HABP4: variants seen among roughly 807,000 people sequenced by gnomAD.
The protein encoded by HABP4 is intracellular hyaluronan-binding protein 4.
HABP4 carries 32 observed loss-of-function variants against 44.1 expected under a neutral mutation model. The ratio of observed to expected loss-of-function variants is 0.73; its 90% CI spans 0.55 to 0.97. HABP4 has a LOEUF of 0.97. Ranked by LOEUF, HABP4 falls within the 50% of genes least tolerant of loss-of-function variation. HABP4 has a pLI of 0.00. For synonymous variants in HABP4, 216 were observed against 218.0 expected (o/e 0.99, Z 0.08); for missense variants, 503 against 561.9 (o/e 0.90, Z 1.06).
chr9:96,470,900 A>G (rs565455314), intron 4 of HABP4, 111 bp from the exon 5 acceptor site: 1 of 710,890 alleles, frequency 1.4e-6, no homozygotes, highest in East Asian at 2.6e-5. Flanking sequence ...GTCTCAAAAA[A>G]AAAAAAAAAA....
Position 96,490,186 on chromosome 9 carries a change from G to C in HABP4, c.*148G>C. 1 of 635,544 alleles carries C rather than the reference G, an allele frequency of 1.6e-6. No individual in the cohort carries two copies. The highest frequency in any genetic ancestry group is 2.9e-6 in the Non-Finnish European group (1 of 350,384). 39.4% of individuals were successfully genotyped at this position (635,544 alleles called of 1,614,324 possible). A position where few individuals can be genotyped will look rare whatever the true frequency, so the allele number is the denominator to read the frequency against. On this transcript the variant is annotated 3_prime_UTR_variant, in exon 8 of 8. Transcript: ENST00000375249. Reference sequence around the variant, plus strand: ...TTGTTGCACTTTTTTGGGCTGAGCTGTTAGAGGGGCTTCTCCAGAGGCTCG... The same window carrying C: ...TTGTTGCACTTTTTTGGGCTGAGCTCTTAGAGGGGCTTCTCCAGAGGCTCG...
chr9:96,454,908 G>A (rs1247802751), intron 1 of HABP4, among the ~76,000 whole-genome samples: 1 of 152,132 alleles, frequency 6.6e-6, no homozygotes, highest in Non-Finnish European at 1.5e-5. Flanking sequence ...GAGCTCTGGG[G>A]TTCAAGACCA....
chr9:96,462,974 TC>T (rs1832532097), intron 2 of HABP4, among the ~76,000 whole-genome samples: 1 of 152,142 alleles, frequency 6.6e-6, no homozygotes, highest in African/African-American at 2.4e-5. Flanking sequence ...ACTTTAGATT[TC>T]TTTTTTTGCT....
chr9:96,480,297 C>T (rs1161120735), intron 5 of HABP4, among the ~76,000 whole-genome samples: 2 of 152,176 alleles, frequency 1.3e-5, no homozygotes, highest in East Asian at 3.9e-4. Context: ...GAAGGTGCTC[C>T]ATAGCAGTAT....
chr9:96,475,046 A>G (rs1832759794), intron 5 of HABP4, among the ~76,000 whole-genome samples: 1 of 152,156 alleles, frequency 6.6e-6, no homozygotes, highest in Non-Finnish European at 1.5e-5. Flanking sequence ...GTGTCCGACG[A>G]TACCTGTGAC....
At chr9:96,477,736 T>C (rs1274252940) in intron 5 of HABP4, among the ~76,000 whole-genome samples, 1 of 152,226 alleles carries the variant, frequency 6.6e-6, no homozygotes, top group Non-Finnish European at 1.5e-5. Context: ...ATGGCACATA[T>C]TTAGCATGTA....
Position 96,467,475 on chromosome 9 carries a change from CTTCT to C in HABP4, c.743+1710_743+1713del, listed in dbSNP as rs1042797770. Reference sequence around the variant, plus strand: ...AAAAGTAATATAGGCACTTTCTTTCCTTCTTTCTTTCTTTCTCTTTCTCTTTTTC... The same window carrying C: ...AAAAGTAATATAGGCACTTTCTTTCCTTCTTTCTTTCTCTTTCTCTTTTTC... On this transcript the variant is annotated intron_variant, in intron 4 of 7. Transcript: ENST00000375249. Among the ~76,000 whole-genome samples the C allele has an allele frequency of 2.0e-4, 30 of 148,378 alleles. 1 individual carries two copies. The Middle Eastern group carries it at 0.021, about 102-fold the overall frequency.
intron 1 of HABP4, among the ~76,000 whole-genome samples, chr9:96,456,783 ATATATATATATATATATATATATATAT>A: frequency 2.4e-5 from 1 of 41,858 alleles, no homozygotes; most frequent in Non-Finnish European, 4.1e-5. Flanking sequence ...AAAAAAAAAT[ATATATATATATATATATATATATATAT>A]ATATATATAT....
chr9:96,473,060 G>A (rs1016582527), intron 5 of HABP4, among the ~76,000 whole-genome samples: 5 of 152,138 alleles, frequency 3.3e-5, no homozygotes. Flanking sequence ...GTTCTTCAGG[G>A]CCCTGCCTTA....
chr9:96,466,080 CT>C (rs1832596102), intron 4 of HABP4, among the ~76,000 whole-genome samples: 1 of 152,112 alleles, frequency 6.6e-6, no homozygotes, highest in Admixed American at 6.6e-5. Flanking sequence ...CCTCAAAATG[CT>C]TTTTGTTGGC....
chr9:96,478,791 C>G (rs146610780), intron 5 of HABP4, among the ~76,000 whole-genome samples: 1 of 151,760 alleles, frequency 6.6e-6, no homozygotes, highest in African/African-American at 2.4e-5. Flanking sequence ...CTCCTGATGT[C>G]CAGCTTATTT....
chr9:96,462,215 G>A (rs1253478274), intron 2 of HABP4, among the ~76,000 whole-genome samples: 3 of 152,074 alleles, frequency 2.0e-5, no homozygotes, highest in Non-Finnish European at 2.9e-5. Context: ...ACTTTGGGAG[G>A]CAGAGGCAGG....
intron 2 of HABP4, among the ~76,000 whole-genome samples, chr9:96,462,625 A>G (rs946104852): frequency 6.8e-6 from 1 of 147,354 alleles, no homozygotes; most frequent in Non-Finnish European, 1.5e-5. Flanking sequence ...AAAAAAAAAA[A>G]GAGAGAGAGT....
Position 96,450,586 on chromosome 9 carries a change from G to T in HABP4, c.307G>T (p.Ala103Ser), listed in dbSNP as rs1832253142. Reference sequence around the variant, plus strand: ...GCGCAAGAGCCTCCCGGCGCCCGTCGCTCAGCGGCCCGATAGCCCCGGGGG... The same window carrying T: ...GCGCAAGAGCCTCCCGGCGCCCGTCTCTCAGCGGCCCGATAGCCCCGGGGG... ...KERKSLPAPV[A>S]QRPDSPGGGL... The change falls in exon 1 of 8, where the codon GCT becomes TCT. Residue 103 changes from alanine (A) to serine (S), a missense_variant. By Grantham distance (99) the Ala-to-Ser change is moderately conservative. Around this residue, in one of 3 missense-constraint regions of HABP4, gnomAD observed 290 missense variants for 300.5 expected, o/e 0.97. Transcript: ENST00000375249. This position sits in a 1 kb window ranked among gnomAD's most constrained non-coding sequence, Gnocchi z 4.8. 2 of 1,283,354 alleles carry T rather than the reference G, an allele frequency of 1.6e-6. No individual in the cohort carries two copies. Among genetic ancestry groups the T allele is most frequent in the African/African-American group, 1.5e-5 (1 of 64,886 alleles). The allele number at this position is 1,283,354 out of a possible 1,614,324, so 79.5% of individuals were successfully genotyped here.
At chr9:96,456,307 A>G (rs987808218) in intron 1 of HABP4, among the ~76,000 whole-genome samples, 2 of 152,232 alleles carry the variant, frequency 1.3e-5, no homozygotes, top group African/African-American at 2.4e-5. Context: ...TGTCATAAAC[A>G]TCATTTTTGC....
intron 5 of HABP4, among the ~76,000 whole-genome samples, chr9:96,479,020 T>C (rs896164224): frequency 2.0e-5 from 3 of 152,208 alleles, no homozygotes; most frequent in Non-Finnish European, 2.9e-5. Context: ...AAAGCTGCTT[T>C]GATAAAGAAC....
At chr9:96,464,384 G>A (rs1026290139) in intron 2 of HABP4, among the ~76,000 whole-genome samples, 2 of 152,166 alleles carry the variant, frequency 1.3e-5, no homozygotes, top group Admixed American at 1.3e-4. Context: ...CTCAAAAAAA[G>A]AAATCTAAAG....
chr9:96,478,183 C>T (rs1369473808), intron 5 of HABP4, among the ~76,000 whole-genome samples: 1 of 151,290 alleles, frequency 6.6e-6, no homozygotes, highest in Non-Finnish European at 1.5e-5. Context: ...CCCAGGCTGG[C>T]GTGCAGTGGT....
At position 96,476,290 on chromosome 9, in the gene HABP4, A is replaced by G. The variant is rs531281281; in HGVS notation, c.827+5196A>G. On this transcript the variant is annotated intron_variant, in intron 5 of 7. Coordinates refer to ENST00000375249, the MANE Select transcript of HABP4 (RefSeq NM_014282.4). ...AACTATTGATATCATGAAATAATAT[A>G]AAGCATTTTGAACAGCATCTGGCAC... 2.6e-5 allele frequency among the ~76,000 whole-genome samples: 4 copies of G among 152,360 alleles called. No homozygotes were observed. The East Asian group carries it at 7.7e-4, about 29-fold the overall frequency.
Sources: gnomAD v4.1 joint callset for allele counts (sites outside exome capture counted in the v4.1 genomes callset) on GRCh38, gnomAD v4.1.1 for gene constraint, gnomAD v4.1.1 regional missense constraint, Gnocchi (gnomAD v3.1) non-coding constraint, MANE v1.5 for transcripts, NCBI Gene and HGNC (gene_info 2026-07-23, HGNC 2026-07-21) for gene names.